AP2A2: variants seen among roughly 807,000 people sequenced by gnomAD.
AP2A2 encodes the protein AP-2 complex subunit alpha-2.
Under a neutral mutation model 104.2 loss-of-function variants are expected in AP2A2, and 32 were observed. The observed-to-expected ratio is 0.31, with a 90% CI of 0.23 to 0.41. AP2A2 has a LOEUF of 0.41. AP2A2 is among the 10% of genes least tolerant of loss of function. The pLI is 1.00. For missense variants in AP2A2, 912 were observed against 1,261.0 expected (o/e 0.72, Z 4.19); for synonymous variants, 539 against 533.3 (o/e 1.01, Z -0.15).
intron 1 of AP2A2, among the ~76,000 whole-genome samples, chr11:954,801 A>C (rs1414568377): frequency 6.6e-6 from 1 of 152,056 alleles, no homozygotes; most frequent in Non-Finnish European, 1.5e-5. Context: ...GGAAGCTGGA[A>C]CTTGTCTCTG....
intron 10 of AP2A2, among the ~76,000 whole-genome samples, chr11:990,344 T>C (rs1038016821): frequency 6.6e-6 from 1 of 152,154 alleles, no homozygotes; most frequent in African/African-American, 2.4e-5. Flanking sequence ...TAGCCAGTGG[T>C]CCCTCTCTGG....
chr11:926,904 G>T (rs1853138939), intron 1 of AP2A2, among the ~76,000 whole-genome samples: 1 of 152,170 alleles, frequency 6.6e-6, no homozygotes, highest in Non-Finnish European at 1.5e-5. Flanking sequence ...GTGGCTGGGT[G>T]GGTGCACCGG....
chr11:995,928 C>T (rs1345780738), intron 14 of AP2A2: 5 of 151,402 alleles, frequency 3.3e-5, no homozygotes, highest in African/African-American at 7.3e-5. Context: ...TGGGCGTCTT[C>T]CCTTCACGCC....
intron 1 of AP2A2, among the ~76,000 whole-genome samples, chr11:930,583 C>T (rs1019288291): frequency 8.6e-5 from 13 of 151,690 alleles, no homozygotes; most frequent in Middle Eastern, 3.2e-3. Flanking sequence ...TGCAGTGGCG[C>T]GATCTCGGCT....
chr11:940,768 A>G (rs1853620002), intron 1 of AP2A2: 1 of 455,600 alleles, frequency 2.2e-6, no homozygotes, highest in South Asian at 1.6e-5. Flanking sequence ...CTGTCCACCC[A>G]TGTGTACCAG....
At chr11:998,941 C>T (rs1032037639) in intron 14 of AP2A2, among the ~76,000 whole-genome samples, 2 of 152,168 alleles carry the variant, frequency 1.3e-5, no homozygotes, top group Admixed American at 6.5e-5. Flanking sequence ...ATCTGCCCCC[C>T]TCGGCCTCCC....
chr11:926,398 C>T (rs1853123290), intron 1 of AP2A2, among the ~76,000 whole-genome samples: 1 of 147,192 alleles, frequency 6.8e-6, no homozygotes, highest in Admixed American at 6.8e-5. Flanking sequence ...GTGGGGTGTC[C>T]AGGGTCTAGG....
At position 947,010 on chromosome 11, in the gene AP2A2, C is replaced by CTTTTTT. The variant is rs71022990; in HGVS notation, c.68-12415_68-12410dup. 27 of 120,222 alleles carry CTTTTTT rather than the reference C, an allele frequency of 2.2e-4. 1 individual carries two copies. The highest frequency in any genetic ancestry group is 3.0e-4 in the Non-Finnish European group (18 of 59,410). 7.4% of individuals were successfully genotyped at this position (120,222 alleles called of 1,614,324 possible). The stretch of plus-strand genomic sequence containing the variant: ...TTAGTCTCCTGTCTTTTTTTCTTTT[C>CTTTTTT]TTTTTTTTTTTTTTTTTGAGACGGA... On this transcript the variant is annotated intron_variant, in intron 1 of 21. Transcript: ENST00000448903.
chr11:1,000,058 G>A (rs1350187367), intron 14 of AP2A2, among the ~76,000 whole-genome samples: 2 of 150,868 alleles, frequency 1.3e-5, no homozygotes, highest in African/African-American at 2.4e-5. Flanking sequence ...CGCCCACCTC[G>A]GCCTCCCAAA....
At chr11:997,935 A>G (rs1476144570) in intron 14 of AP2A2, among the ~76,000 whole-genome samples, 2 of 152,238 alleles carry the variant, frequency 1.3e-5, no homozygotes, top group African/African-American at 4.8e-5. Context: ...AATAAAAGCC[A>G]TAGATGTATT....
rs374082996 is a variant in AP2A2 at position 977,203 on chromosome 11, C to T, written c.582C>T (p.His194=). The change falls in exon 5 of 22, where the codon CAC becomes CAT. Residue 194 remains histidine, a synonymous_variant. Coordinates refer to ENST00000448903, the MANE Select transcript of AP2A2 (RefSeq NM_012305.4). ...GCGACTGGACATCCCGAGTGGTGCA[C>T]CTGCTCAATGACCAGCACTTGGTAA... The part of the protein sequence containing the change: ...PMGDWTSRVV[H]LLNDQHLGVV... The T allele has an allele frequency of 9.3e-6, 15 of 1,606,116 alleles. No individual in the cohort carries two copies. The African/African-American group carries it at 9.4e-5, about 10-fold the overall frequency.
At chr11:1,010,404 G>A in intron 21 of AP2A2, 144 bp from the exon 22 acceptor site, 1 of 641,062 alleles carries the variant, frequency 1.6e-6, no homozygotes, top group Non-Finnish European at 2.7e-6. Flanking sequence ...CAGTGTGTGT[G>A]GTGCTCAGGC....
intron 3 of AP2A2, among the ~76,000 whole-genome samples, chr11:971,131 T>A (rs768506859): frequency 1.3e-4 from 20 of 152,110 alleles, no homozygotes; most frequent in Non-Finnish European, 2.6e-4. Context: ...GTTGGGGGGA[T>A]GGGGGATTAG....
At chr11:947,129 G>A (rs1333182272) in intron 1 of AP2A2, among the ~76,000 whole-genome samples, 2 of 150,846 alleles carry the variant, frequency 1.3e-5, no homozygotes, top group African/African-American at 2.4e-5. Context: ...TCCTGCCTTA[G>A]CCTTTTGAGT....
chr11:965,343 C>T (rs1267095922), intron 2 of AP2A2, among the ~76,000 whole-genome samples: 2 of 152,154 alleles, frequency 1.3e-5, no homozygotes, highest in East Asian at 1.9e-4. Context: ...TGTTGTGTCT[C>T]GTGGTTATGT....
chr11:950,739 G>A (rs992956791), intron 1 of AP2A2, among the ~76,000 whole-genome samples: 5 of 152,120 alleles, frequency 3.3e-5, no homozygotes, highest in Non-Finnish European at 5.9e-5. Flanking sequence ...ACCTGATAAA[G>A]GGCTCGTTAT....
intron 15 of AP2A2, among the ~76,000 whole-genome samples, chr11:1,001,773 T>C (rs1856037281): frequency 6.6e-6 from 1 of 152,148 alleles, no homozygotes; most frequent in African/African-American, 2.4e-5. Flanking sequence ...CCTTCCCTGC[T>C]GGGCGCTGCC....
intron 4 of AP2A2, among the ~76,000 whole-genome samples, chr11:976,525 A>G (rs1353075702): frequency 6.6e-6 from 1 of 152,104 alleles, no homozygotes; most frequent in East Asian, 1.9e-4. Flanking sequence ...AAGGGGGATA[A>G]GCGGAGCATG....
chr11:1,002,840 T>G (rs1255957705), intron 15 of AP2A2, among the ~76,000 whole-genome samples: 2 of 152,208 alleles, frequency 1.3e-5, no homozygotes, highest in African/African-American at 4.8e-5. Flanking sequence ...ATTTCAGAAT[T>G]AGGCTGCTGC....
Sources: allele counts gnomAD v4.1 joint callset (sites outside exome capture counted in the v4.1 genomes callset), GRCh38; gene constraint gnomAD v4.1.1; transcripts MANE v1.5; gene names NCBI Gene and HGNC (gene_info 2026-07-23, HGNC 2026-07-21).